Variants in STK3 observed in about 807,000 individuals in gnomAD.
STK3 encodes serine/threonine-protein kinase 3.
STK3 carries 41 observed loss-of-function variants against 58.0 expected under a neutral mutation model. That is an observed-to-expected ratio of 0.71 (90% CI 0.55 to 0.92). The LOEUF (loss-of-function observed/expected upper bound fraction) is 0.92. Among genes scored for constraint, STK3 ranks in the 40% least tolerant of loss-of-function variants. STK3 has a pLI of 0.00. For missense variants in STK3, 479 were observed against 602.7 expected, an observed-to-expected ratio of 0.79 and a Z score of 2.15; for synonymous variants, 170 against 191.0, an observed-to-expected ratio of 0.89 and a Z score of 0.91.
At chr8:98,547,160 G>C (rs1237119712) in intron 9 of STK3, among the ~76,000 whole-genome samples, 1 of 152,150 alleles carries the variant, frequency 6.6e-6, no homozygotes, top group Non-Finnish European at 1.5e-5. Context: ...TCAGTGGAAA[G>C]CAGCCTAGTG....
intron 7 of STK3, 132 bp from the exon 8 acceptor site, chr8:98,579,921 T>C: frequency 1.2e-6 from 1 of 851,918 alleles, no homozygotes; most frequent in Non-Finnish European, 1.7e-6. Flanking sequence ...TAGAATTAAA[T>C]GTATAGGTTA....
At chr8:98,357,769 G>T in the STK3 span, among the ~76,000 whole-genome samples, 3 of 152,216 alleles carry the variant, frequency 2.0e-5, no homozygotes, top group African/African-American at 7.2e-5. Context: ...AAATGTGTGA[G>T]TGGGTCCAGC....
rs548613625 is a variant in STK3, at chr8:98,663,202, T to C, written c.684+43265A>G. Among the ~76,000 whole-genome samples the C allele has an allele frequency of 4.0e-5, 6 of 151,824 alleles. No homozygotes were observed. The South Asian group carries it at 1.3e-3, about 32-fold the overall frequency. ...AGAAAAAAACAACCCCAACAAAAAG[T>C]GGGTGAAGGATATGAACAGACACTT... On this transcript the variant is annotated intron_variant, in intron 6 of 10. Transcript: ENST00000419617.
chr8:98,807,681 C>T (rs1312837915), intron 1 of STK3, among the ~76,000 whole-genome samples: 1 of 151,972 alleles, frequency 6.6e-6, no homozygotes, highest in Non-Finnish European at 1.5e-5. Flanking sequence ...GATAAACTCA[C>T]CAAGGAAATA....
chr8:98,550,374 T>C (rs1811060700), intron 8 of STK3, among the ~76,000 whole-genome samples: 1 of 152,186 alleles, frequency 6.6e-6, no homozygotes, highest in South Asian at 2.1e-4. Flanking sequence ...TTCCTATGTC[T>C]TTACTTATTA....
At chr8:98,422,878 G>T in intron 3 of STK3, among the ~76,000 whole-genome samples, 1 of 152,224 alleles carries the variant, frequency 6.6e-6, no homozygotes, top group East Asian at 1.9e-4. Flanking sequence ...CTTAAGAAAT[G>T]CCGATTTGCC....
chr8:98,502,633 A>T (rs897399738), intron 10 of STK3, among the ~76,000 whole-genome samples: 1 of 152,180 alleles, frequency 6.6e-6, no homozygotes, highest in Non-Finnish European at 1.5e-5. Context: ...AACTTTGTCA[A>T]ACGCCTTTTC....
chr8:98,414,137 G>A (rs535177845), intron 3 of STK3, among the ~76,000 whole-genome samples: 2 of 152,272 alleles, frequency 1.3e-5, no homozygotes, highest in South Asian at 4.1e-4. Context: ...AGTGGTGCAT[G>A]CCTGTATTCT....
At position 98,502,155 on chromosome 8, in the gene STK3, C is replaced by T. The variant is rs1225620130; in HGVS notation, c.1317+24587G>A. On this transcript the variant is annotated intron_variant, in intron 10 of 10. Coordinates refer to ENST00000419617, the MANE Select transcript of STK3 (RefSeq NM_006281.4). ...AAGTTGGATTCCTAGGTATTTTATT[C>T]TCTTAGTAGCAATTGTGAATGGGAG... is the stretch of plus-strand genomic sequence containing the variant. Among the ~76,000 whole-genome samples, 4 of 152,208 alleles carry T rather than the reference C, an allele frequency of 2.6e-5. No individual in the cohort carries two copies. In the East Asian group the frequency reaches 7.7e-4, roughly 29 times the overall value.
At chr8:98,586,373 G>C (rs1814594804) in intron 7 of STK3, among the ~76,000 whole-genome samples, 1 of 151,760 alleles carries the variant, frequency 6.6e-6, no homozygotes, top group South Asian at 2.1e-4. Context: ...TTTTGTCTTT[G>C]GCTCTGTTTA....
chr8:98,713,265 G>A (rs1361951086), intron 4 of STK3, among the ~76,000 whole-genome samples: 1 of 151,944 alleles, frequency 6.6e-6, no homozygotes, highest in African/African-American at 2.4e-5. Flanking sequence ...GCTAGCAGAA[G>A]GCAAGAAATA....
At chr8:98,554,456 T>G (rs1056602716) in intron 8 of STK3, among the ~76,000 whole-genome samples, 1 of 152,082 alleles carries the variant, frequency 6.6e-6, no homozygotes. Flanking sequence ...TACATTAGAG[T>G]TGAATCTACA....
At chr8:98,612,943 G>C (rs772365042) in intron 6 of STK3, among the ~76,000 whole-genome samples, 6 of 152,182 alleles carry the variant, frequency 3.9e-5, no homozygotes, top group Non-Finnish European at 7.3e-5. Flanking sequence ...ACAGCAAGTA[G>C]AACCTGTACT....
chr8:98,696,694 C>T (rs1303426992), intron 6 of STK3, among the ~76,000 whole-genome samples: 10 of 152,062 alleles, frequency 6.6e-5, no homozygotes, highest in Admixed American at 6.5e-4. Flanking sequence ...GTCTTGCATC[C>T]CAGGGATGAA....
At chr8:98,407,948 C>T (rs1818014877) in intron 3 of STK3, among the ~76,000 whole-genome samples, 1 of 152,214 alleles carries the variant, frequency 6.6e-6, no homozygotes, top group African/African-American at 2.4e-5. Flanking sequence ...GTTGTGCTGG[C>T]ACCTGCATAT....
At chr8:98,709,511 A>G (rs1052835674) in intron 4 of STK3, among the ~76,000 whole-genome samples, 3 of 152,218 alleles carry the variant, frequency 2.0e-5, no homozygotes, top group Admixed American at 1.3e-4. Flanking sequence ...AACTAAGACC[A>G]ATATCCCTTA....
chr8:98,622,393 C>T (rs1028654775), intron 6 of STK3, among the ~76,000 whole-genome samples: 7 of 152,206 alleles, frequency 4.6e-5, no homozygotes, highest in Admixed American at 1.3e-4. Flanking sequence ...ATGTATATTA[C>T]ATTGCCATTC....
At position 98,661,842 on chromosome 8, in the gene STK3, C is replaced by G. The variant is rs570331287; in HGVS notation, c.684+44625G>C. ...AACCTTACTTTGTCTACCCCCATCT[C>G]TACTTCTTTAGTCTTCAGGACTCAG... On this transcript the variant is annotated intron_variant, in intron 6 of 10. Coordinates refer to ENST00000419617, the MANE Select transcript of STK3 (RefSeq NM_006281.4). 5.9e-5 allele frequency among the ~76,000 whole-genome samples: 9 copies of G among 152,104 alleles called. No homozygotes were observed. The South Asian group carries it at 1.9e-3, about 32-fold the overall frequency.
intron 10 of STK3, among the ~76,000 whole-genome samples, chr8:98,510,370 T>C (rs1824413114): frequency 6.6e-6 from 1 of 152,026 alleles, no homozygotes; most frequent in African/African-American, 2.4e-5. Flanking sequence ...TGCAAATAGT[T>C]ACAAAATTTT....
Sources: gnomAD v4.1 joint callset for allele counts (sites outside exome capture counted in the v4.1 genomes callset) on GRCh38, gnomAD v4.1.1 for gene constraint, MANE v1.5 for transcripts, NCBI Gene and HGNC (gene_info 2026-07-23, HGNC 2026-07-21) for gene names.